The following PDE6C variants were observed in gnomAD, a reference collection of about 807,000 sequenced individuals.
PDE6C encodes the protein cone cGMP-specific 3',5'-cyclic phosphodiesterase subunit alpha'.
Under a neutral mutation model 113.1 loss-of-function variants are expected in PDE6C, and 75 were observed. That is an observed-to-expected ratio of 0.66 (90% confidence interval 0.55 to 0.80). The LOEUF (loss-of-function observed/expected upper bound fraction) is 0.80. Among genes scored for constraint, PDE6C ranks in the 30% least tolerant of loss-of-function variants. The probability of loss-of-function intolerance (pLI) is 0.00; values close to 1 mark genes in which losing one functional copy is unlikely to be tolerated. For missense variants in PDE6C, 912 were observed against 1,038.6 expected, an observed-to-expected ratio of 0.88 and a Z score of 1.67; for synonymous variants, 375 against 363.7, an observed-to-expected ratio of 1.03 and a Z score of -0.35.
chr10:93,647,010 G>A (rs1168457780), intron 15 of PDE6C, among the ~76,000 whole-genome samples: 1 of 152,212 alleles, frequency 6.6e-6, no homozygotes, highest in Non-Finnish European at 1.5e-5. Flanking sequence ...TTCTGCAGGA[G>A]CGGCTCAGCC....
At chr10:93,615,554 G>A (rs1238091889) in intron 1 of PDE6C, among the ~76,000 whole-genome samples, 5 of 152,068 alleles carry the variant, frequency 3.3e-5, no homozygotes, top group Non-Finnish European at 7.4e-5. Flanking sequence ...GCTAATTTTT[G>A]TATTTTTAGT....
rs143673530 is a variant in PDE6C, at chr10:93,621,999, C to T, written c.791C>T (p.Ala264Val). The T allele has an allele frequency of 4.8e-5, 77 of 1,612,284 alleles. No individual in the cohort carries two copies. Among genetic ancestry groups the T allele is most frequent in the African/African-American group, 2.8e-4 (21 of 74,514 alleles). Residue 264 changes from alanine to valine, a missense_variant, in exon 4 of 22, where the codon GCG (alanine) becomes GTG (valine). Transcript: ENST00000371447. ...GATGTTGAGCGACAGTTTCACAAAG[C>T]GCTCTACACGGTTAGATCATATCTG... ...LTDVERQFHK[A>V]LYTVRSYLNC...
At chr10:93,645,309 T>C (rs551694549) in intron 14 of PDE6C, among the ~76,000 whole-genome samples, 1 of 152,220 alleles carries the variant, frequency 6.6e-6, no homozygotes, top group Non-Finnish European at 1.5e-5. Context: ...TAAAGTTTTG[T>C]TCTCCATGAA....
rs760127153 is a variant in PDE6C, at chr10:93,612,990, C to T, written c.265C>T (p.His89Tyr). The change falls in exon 1 of 22, where the codon CAC becomes TAC. Residue 89 changes from histidine (H) to tyrosine (Y), a missense_variant. By Grantham distance (83) the His-to-Tyr change is moderately conservative. Coordinates refer to ENST00000371447, the MANE Select transcript of PDE6C (RefSeq NM_006204.4). ...TCACAGGGCCCTGCAGAGGCTGGCC[C>T]ACCTGCTCCAGGCTGACCGCTGCAG... ...GVHRALQRLA[H>Y]LLQADRCSMF... 3.1e-5 allele frequency: 50 copies of T among 1,613,916 alleles called. No homozygotes were observed. Among genetic ancestry groups the T allele is most frequent in the Non-Finnish European group, 4.0e-5 (47 of 1,179,974 alleles).
rs765794833 is a variant in PDE6C at position 93,646,046 on chromosome 10, A to G, written c.1934A>G (p.Glu645Gly). 1.3e-6 allele frequency: 2 copies of G among 1,549,380 alleles called. No individual in the cohort carries two copies. The highest frequency in any genetic ancestry group is 1.8e-6 in the Non-Finnish European group (2 of 1,120,708). Residue 645 changes from glutamate to glycine, a missense_variant and splice_region_variant, in exon 15 of 22, where the codon GAG becomes GGG. Coordinates refer to ENST00000371447, the MANE Select transcript of PDE6C (RefSeq NM_006204.4). ...LEYSKTLLQD[E>G]SLNIFQNLNK... ...TACAGTAAGACTCTGTTGCAGGATG[A>G]GGTACGTAAACCTCTCTTTAGGACA...
intron 4 of PDE6C, among the ~76,000 whole-genome samples, chr10:93,623,832 A>C (rs2058459856): frequency 6.6e-6 from 1 of 152,162 alleles, no homozygotes; most frequent in African/African-American, 2.4e-5. Flanking sequence ...CACTAATACC[A>C]CACTGTCTTG....
At chr10:93,624,892 A>G (rs1304481306) in intron 4 of PDE6C, among the ~76,000 whole-genome samples, 1 of 152,176 alleles carries the variant, frequency 6.6e-6, no homozygotes, top group African/African-American at 2.4e-5. Flanking sequence ...TGGTGGAAAG[A>G]TGGCTGTTGC....
At chr10:93,648,224 T>A (rs17407606) in intron 15 of PDE6C, among the ~76,000 whole-genome samples, 1 of 152,182 alleles carries the variant, frequency 6.6e-6, no homozygotes, top group Non-Finnish European at 1.5e-5. Context: ...GATGGCTATA[T>A]AAAGACTTAT....
intron 1 of PDE6C, among the ~76,000 whole-genome samples, chr10:93,619,972 C>G (rs2058437553): frequency 6.6e-6 from 1 of 152,068 alleles, no homozygotes; most frequent in South Asian, 2.1e-4. Flanking sequence ...AGTTCACATC[C>G]ATATGCATTG....
rs368883224 is a variant in PDE6C at position 93,625,852 on chromosome 10, G to A, written c.939+203G>A. On this transcript the variant is annotated intron_variant, in intron 5 of 21. Coordinates refer to ENST00000371447, the MANE Select transcript of PDE6C (RefSeq NM_006204.4). ...CCTTAACTCCTTGTTGAACCTCTCC[G>A]TTTCCTTTTCTATAAAGCCAGGGCT... Among the ~76,000 whole-genome samples, 6 of 152,274 alleles carry A rather than the reference G, an allele frequency of 3.9e-5. 1 individual carries two copies. Among genetic ancestry groups the A allele is most frequent in the Middle Eastern group, 3.4e-3 (1 of 294 alleles).
chr10:93,648,829 T>C (rs1400954883), intron 15 of PDE6C, among the ~76,000 whole-genome samples: 1 of 152,240 alleles, frequency 6.6e-6, no homozygotes, highest in Non-Finnish European at 1.5e-5. Flanking sequence ...CTTGTTATTA[T>C]TCAGAACATC....
intron 21 of PDE6C, among the ~76,000 whole-genome samples, 174 bp downstream of exon 21, chr10:93,663,352 A>G (rs758583835): frequency 5.3e-5 from 8 of 152,190 alleles, no homozygotes; most frequent in Non-Finnish European, 8.8e-5. Context: ...GCCCTGCCAC[A>G]GACAACATCT....
rs749904752 is a variant in PDE6C at position 93,655,826 on chromosome 10, G to A, written c.2002G>A (p.Ala668Thr). The change falls in exon 16 of 22, where the codon GCA (alanine) becomes ACA (threonine). Residue 668 changes from alanine (A) to threonine (T), a missense_variant. Ala to Thr is a moderately conservative substitution (Grantham distance 58, BLOSUM62 0). Coordinates refer to ENST00000371447, the MANE Select transcript of PDE6C (RefSeq NM_006204.4). Reference protein sequence around the residue: ...FETVIHLFEVAIIATDLALYF... With the variant: ...FETVIHLFEVTIIATDLALYF... ...AACAGTTATTCATTTGTTCGAGGTCGCAATAATAGCAACTGACCTGGCTTT... is the reference window on the plus strand; with the variant it reads ...AACAGTTATTCATTTGTTCGAGGTCACAATAATAGCAACTGACCTGGCTTT... 20 of 1,600,570 alleles carry A rather than the reference G, an allele frequency of 1.2e-5. No homozygotes were observed. The highest frequency in any genetic ancestry group is 1.6e-5 in the Non-Finnish European group (19 of 1,167,758).
Position 93,622,021 on chromosome 10 carries a change from T to C in PDE6C, c.813T>C (p.Tyr271=), listed in dbSNP as rs1485659730. 7 of 1,613,836 alleles carry C rather than the reference T, an allele frequency of 4.3e-6. No individual in the cohort carries two copies. In the East Asian group the frequency reaches 6.7e-5, roughly 15 times the overall value. ...AAGCGCTCTACACGGTTAGATCATA[T>C]CTGAACTGTGAACGATACTCCATTG... The part of the protein sequence containing the change: ...FHKALYTVRS[Y]LNCERYSIGL... The change falls in exon 4 of 22, where the codon TAT becomes TAC. Residue 271 remains tyrosine, a synonymous_variant. Coordinates refer to ENST00000371447, the MANE Select transcript of PDE6C (RefSeq NM_006204.4).
chr10:93,626,566 G>T, intron 5 of PDE6C, 74 bp from the exon 6 acceptor site: 1 of 845,590 alleles, frequency 1.2e-6, no homozygotes, highest in Non-Finnish European at 2.0e-6. Flanking sequence ...GAGTTTTAAA[G>T]TACAAGTTCC....
chr10:93,656,827 C>CT (rs1201389258), intron 16 of PDE6C, among the ~76,000 whole-genome samples: 1 of 152,030 alleles, frequency 6.6e-6, no homozygotes, highest in Non-Finnish European at 1.5e-5. Flanking sequence ...CCTGGCCCTC[C>CT]CAAAGTGCTG....
intron 15 of PDE6C, among the ~76,000 whole-genome samples, chr10:93,654,959 C>T (rs962366771): frequency 6.6e-6 from 1 of 151,896 alleles, no homozygotes; most frequent in Non-Finnish European, 1.5e-5. Context: ...AGGCACATAC[C>T]ACCACACCCA....
chr10:93,637,235 GC>G (rs1397115503), intron 11 of PDE6C, among the ~76,000 whole-genome samples, 172 bp downstream of exon 11: 1 of 152,112 alleles, frequency 6.6e-6, no homozygotes, highest in Non-Finnish European at 1.5e-5. Context: ...TTGATTCCCT[GC>G]TTTTCTTCAT....
chr10:93,640,624 G>A (rs952483020), intron 13 of PDE6C, 67 bp downstream of exon 13: 1 of 1,090,158 alleles, frequency 9.2e-7, no homozygotes, highest in Admixed American at 1.7e-5. Context: ...ATGAGAAATA[G>A]GTATGGTCCA....
Sources: gnomAD v4.1 joint callset for allele counts (sites outside exome capture counted in the v4.1 genomes callset) on GRCh38, gnomAD v4.1.1 for gene constraint, MANE v1.5 for transcripts, NCBI Gene and HGNC (gene_info 2026-07-23, HGNC 2026-07-21) for gene names.